Variants in LOXHD1 observed in about 807,000 individuals in gnomAD.
LOXHD1 encodes the protein lipoxygenase homology domain-containing protein 1.
A neutral mutation model predicts 248.2 loss-of-function variants in LOXHD1; 205 were observed. The observed-to-expected ratio is 0.83, with a 90% CI of 0.74 to 0.93. The LOEUF (loss-of-function observed/expected upper bound fraction) is 0.93, where lower values mean the gene tolerates loss of function less well. Ranked by LOEUF, LOXHD1 falls within the 40% of genes least tolerant of loss-of-function variation. The probability of loss-of-function intolerance (pLI) is 0.00; values close to 1 mark genes in which losing one functional copy is unlikely to be tolerated. For synonymous variants in LOXHD1, 1,113 were observed against 1,162.8 expected, an observed-to-expected ratio of 0.96 and a Z score of 0.87; for missense variants, 2,930 against 2,971.6, an observed-to-expected ratio of 0.99 and a Z score of 0.33.
chr18:46,557,452 G>A lies in LOXHD1; in HGVS notation c.3254C>T (p.Ala1085Val), dbSNP rs1290374103. The A allele has an allele frequency of 1.9e-6, 3 of 1,552,000 alleles. No individual in the cohort carries two copies. Among genetic ancestry groups the A allele is most frequent in the Non-Finnish European group, 2.6e-6 (3 of 1,147,080 alleles). ...TFTIYAIDLG[A>V]LTKIRIRHDN... ...GTGGCGAATCCGAATCTTGGTCAGG[G>A]CCCCCAGGTCAATGGCATAGATGGT... Residue 1085 changes from alanine (A) to valine (V), a missense_variant, in exon 21 of 41, where the codon GCC becomes GTC. Transcript: ENST00000642948.
intron 26 of LOXHD1, among the ~76,000 whole-genome samples, chr18:46,537,934 C>T (rs2036385591): frequency 6.6e-6 from 1 of 152,222 alleles, no homozygotes; most frequent in Admixed American, 6.5e-5. Flanking sequence ...CTCATCATTG[C>T]CTTTGATCCT....
chr18:46,478,017 C>A, intron 40 of LOXHD1, 65 bp from the exon 41 acceptor site: 1 of 1,490,152 alleles, frequency 6.7e-7, no homozygotes. Flanking sequence ...GCTGCTCCCT[C>A]CCCCAGATCC....
At position 46,559,615 on chromosome 18, in the gene LOXHD1, A is replaced by T. The variant is rs1308019461; in HGVS notation, c.3062-13T>A. 8 of 1,551,000 alleles carry T rather than the reference A, an allele frequency of 5.2e-6. No homozygotes were observed. Among genetic ancestry groups the T allele is most frequent in the Non-Finnish European group, 7.0e-6 (8 of 1,146,452 alleles). Reference sequence around the variant, plus strand: ...TCATAGGTGTTTCCTGTAGACACAGAAAGATGCAGTGTGGAGGGCCTCATG... The same window carrying T: ...TCATAGGTGTTTCCTGTAGACACAGTAAGATGCAGTGTGGAGGGCCTCATG... On this transcript the variant is annotated splice_polypyrimidine_tract_variant and intron_variant, in intron 19 of 40. Coordinates refer to ENST00000642948, the MANE Select transcript of LOXHD1 (RefSeq NM_001384474.1).
In LOXHD1 at chr18:46,594,475, A is replaced by C; in HGVS notation, c.1135-9T>G. The C allele has an allele frequency of 6.4e-7, 1 of 1,551,058 alleles. No individual in the cohort carries two copies. Among genetic ancestry groups the C allele is most frequent in the Non-Finnish European group, 8.7e-7 (1 of 1,146,976 alleles). ...GGGCACAGAATCACCACCTGGGGAGAGTGGAGCACAGTGTCTCCGGCATTG... is the reference window on the plus strand; with the variant it reads ...GGGCACAGAATCACCACCTGGGGAGCGTGGAGCACAGTGTCTCCGGCATTG... On this transcript the variant is annotated splice_polypyrimidine_tract_variant and intron_variant, in intron 8 of 40. Coordinates refer to ENST00000642948, the MANE Select transcript of LOXHD1 (RefSeq NM_001384474.1).
intron 2 of LOXHD1, among the ~76,000 whole-genome samples, chr18:46,646,292 C>T (rs950246550): frequency 5.9e-5 from 9 of 152,276 alleles, no homozygotes; most frequent in Non-Finnish European, 1.2e-4. Flanking sequence ...CTAGACCTCA[C>T]GGAGCAAGGG....
chr18:46,619,067 G>A (rs928844608), intron 4 of LOXHD1, among the ~76,000 whole-genome samples: 46 of 152,308 alleles, frequency 3.0e-4, no homozygotes, highest in African/African-American at 1.0e-3. Context: ...CTGCCTTAGA[G>A]TGAGGAGCAA....
intron 17 of LOXHD1, among the ~76,000 whole-genome samples, 153 bp downstream of exon 17, chr18:46,566,104 C>T (rs147520588): frequency 6.6e-6 from 1 of 152,270 alleles, no homozygotes; most frequent in East Asian, 1.9e-4. Flanking sequence ...ACCATAGTAC[C>T]AGAAGCAGTG....
At chr18:46,490,561 C>T (rs1051009508) in intron 37 of LOXHD1, among the ~76,000 whole-genome samples, 3 of 152,182 alleles carry the variant, frequency 2.0e-5, no homozygotes, top group African/African-American at 4.8e-5. Flanking sequence ...CCGCAACCTC[C>T]GCCTCCCAGG....
chr18:46,532,538 G>C (rs1028752860), intron 28 of LOXHD1, among the ~76,000 whole-genome samples: 2 of 152,168 alleles, frequency 1.3e-5, no homozygotes, highest in Non-Finnish European at 2.9e-5. Flanking sequence ...AAGAGAACTA[G>C]AATATGGTGG....
chr18:46,562,089 T>G (rs2037541183), intron 18 of LOXHD1, among the ~76,000 whole-genome samples: 1 of 152,202 alleles, frequency 6.6e-6, no homozygotes, highest in Non-Finnish European at 1.5e-5. Context: ...GCCGGGCAGG[T>G]ATTATAAAGC....
intron 28 of LOXHD1, among the ~76,000 whole-genome samples, chr18:46,532,578 C>A (rs2036120183): frequency 6.9e-6 from 1 of 143,978 alleles, no homozygotes; most frequent in Non-Finnish European, 1.5e-5. Context: ...GGAGGAAGTA[C>A]AAGGAGTGGC....
At position 46,568,330 on chromosome 18, in the gene LOXHD1, TG is replaced by T. The variant is rs1450626566; in HGVS notation, c.2244+1111del. On this transcript the variant is annotated intron_variant, in intron 16 of 40. Coordinates refer to ENST00000642948, the MANE Select transcript of LOXHD1 (RefSeq NM_001384474.1). ...AATCCTCAAGTCCAAGATTTAGAAC[TG>T]TGTTTCTCCAGGTGATGTCAAGGAA... 2.6e-5 allele frequency among the ~76,000 whole-genome samples: 4 copies of T among 152,228 alleles called. No individual in the cohort carries two copies. In the East Asian group the frequency reaches 7.7e-4, roughly 29 times the overall value.
rs374871163 is a variant in LOXHD1 at position 46,649,224 on chromosome 18, G to A, written c.176C>T (p.Thr59Met). 82 of 1,551,690 alleles carry A rather than the reference G, an allele frequency of 5.3e-5. No individual in the cohort carries two copies. The highest frequency in any genetic ancestry group is 9.8e-5 in the East Asian group (4 of 40,928). The change falls in exon 2 of 41, where the codon ACG becomes ATG. Residue 59 changes from threonine to methionine, a missense_variant. By Grantham distance (81) the Thr-to-Met change is moderately conservative. Coordinates refer to ENST00000642948, the MANE Select transcript of LOXHD1 (RefSeq NM_001384474.1). The stretch of plus-strand genomic sequence containing the variant: ...AAGCGTGATGAAGACATTGGCATCC[G>A]TCCCTGCACCGCGAACATCCCCCGT... Reference protein sequence around the residue: ...TATGDVRGAGTDANVFITLFG... With the variant: ...TATGDVRGAGMDANVFITLFG...
At chr18:46,490,988 G>T (rs955399752) in intron 37 of LOXHD1, among the ~76,000 whole-genome samples, 2 of 152,210 alleles carry the variant, frequency 1.3e-5, no homozygotes, top group Non-Finnish European at 2.9e-5. Context: ...GTCTGGAAAT[G>T]AGGCAGAGGA....
At chr18:46,516,177 G>T (rs534338911) in intron 34 of LOXHD1, among the ~76,000 whole-genome samples, 1 of 152,176 alleles carries the variant, frequency 6.6e-6, no homozygotes, top group African/African-American at 2.4e-5. Context: ...CTTACTTGCT[G>T]TATAACCTTG....
intron 4 of LOXHD1, among the ~76,000 whole-genome samples, chr18:46,624,945 C>T (rs757242485): frequency 3.9e-5 from 6 of 152,128 alleles, no homozygotes; most frequent in Admixed American, 6.5e-5. Context: ...TCTGATCCTC[C>T]GAGAAATTGC....
At chr18:46,534,196 T>A in intron 27 of LOXHD1, 139 bp downstream of exon 27, 1 of 608,394 alleles carries the variant, frequency 1.6e-6, no homozygotes, top group Admixed American at 2.9e-5. Context: ...GCACTCTGAG[T>A]GAACTGGGTG....
chr18:46,535,649 A>G lies in LOXHD1; in HGVS notation c.4096-1198T>C, dbSNP rs548721011. 7.3e-5 allele frequency among the ~76,000 whole-genome samples: 11 copies of G among 150,612 alleles called. No homozygotes were observed. The South Asian group carries it at 2.4e-3, about 32-fold the overall frequency. The stretch of plus-strand genomic sequence containing the variant: ...AGTGGCGCAAACTCAGCTCACGGCA[A>G]CCTCCACCTCCTGGGTTCAAGCAAT... On this transcript the variant is annotated intron_variant, in intron 26 of 40. Coordinates refer to ENST00000642948, the MANE Select transcript of LOXHD1 (RefSeq NM_001384474.1).
chr18:46,557,116 C>T (rs958917390), intron 21 of LOXHD1, among the ~76,000 whole-genome samples: 1 of 151,752 alleles, frequency 6.6e-6, no homozygotes, highest in Admixed American at 6.6e-5. Context: ...CAGCCTCAGA[C>T]ATCACCCCCA....
Sources: gnomAD v4.1 joint callset for allele counts (sites outside exome capture counted in the v4.1 genomes callset) on GRCh38, gnomAD v4.1.1 for gene constraint, MANE v1.5 for transcripts, NCBI Gene and HGNC (gene_info 2026-07-23, HGNC 2026-07-21) for gene names.